The following TGFB3 variants were observed in gnomAD, a reference collection of about 807,000 sequenced individuals.
TGFB3 encodes transforming growth factor beta 3.
TGFB3 carries 5 observed loss-of-function variants against 40.1 expected under a neutral mutation model. The observed-to-expected ratio is 0.12, with a 90% confidence interval of 0.07 to 0.26. The LOEUF is 0.26. Among genes scored for constraint, TGFB3 ranks in the 10% least tolerant of loss-of-function variants. The pLI, the probability that TGFB3 is intolerant of heterozygous loss-of-function variation, is 1.00. For synonymous variants in TGFB3, 184 were observed against 205.6 expected, an observed-to-expected ratio of 0.89 and a Z score of 0.90; for missense variants, 373 against 530.1, an observed-to-expected ratio of 0.70 and a Z score of 2.91.
At chr14:75,972,832 A>G (rs139927823) in intron 1 of TGFB3, among the ~76,000 whole-genome samples, 3 of 152,314 alleles carry the variant, frequency 2.0e-5, no homozygotes, top group African/African-American at 4.8e-5. Flanking sequence ...TTTAGACCCA[A>G]TAAAGCAGGG....
At position 75,980,436 on chromosome 14, in the gene TGFB3, C is replaced by T. The variant is rs1204010343; in HGVS notation, c.352+106G>A. The T allele has an allele frequency of 8.4e-7, 1 of 1,197,012 alleles. No individual in the cohort carries two copies. Among genetic ancestry groups the T allele is most frequent in the Non-Finnish European group, 1.2e-6 (1 of 807,682 alleles). 74.1% of individuals were successfully genotyped at this position (1,197,012 alleles called of 1,614,324 possible). The stretch of plus-strand genomic sequence containing the variant: ...ATCCTGAGCCTTGGTGCTGGTGAAT[C>T]CTGGGGCACCCTGCTGTGTGGCCAG... On this transcript the variant is annotated intron_variant, in intron 1 of 6. Coordinates refer to ENST00000238682, the MANE Select transcript of TGFB3 (RefSeq NM_003239.5). This position sits in a 1 kb window ranked among gnomAD's most constrained non-coding sequence, Gnocchi z 4.3.
chr14:75,961,960 A>C (rs1204944263), intron 5 of TGFB3, among the ~76,000 whole-genome samples: 1 of 152,174 alleles, frequency 6.6e-6, no homozygotes, highest in Non-Finnish European at 1.5e-5. Flanking sequence ...TCTGGCAAAG[A>C]TATTCGATTA....
chr14:75,975,046 G>C (rs563872068), intron 1 of TGFB3, among the ~76,000 whole-genome samples: 64 of 151,742 alleles, frequency 4.2e-4, no homozygotes, highest in Non-Finnish European at 7.8e-4. Flanking sequence ...GACAACATAG[G>C]GAGGACCTAT....
chr14:75,960,891 A>C (rs1204787751), intron 6 of TGFB3, 32 bp downstream of exon 6: 2 of 1,613,910 alleles, frequency 1.2e-6, no homozygotes, highest in Non-Finnish European at 1.7e-6. Context: ...GGTCAGCCCC[A>C]GTGCCTCAGA....
rs569977534 is a variant in TGFB3, at chr14:75,981,206, G to T, written c.-313C>A. 2.3e-6 allele frequency: 1 copy of T among 431,994 alleles called. No homozygotes were observed. The highest frequency in any genetic ancestry group is 4.8e-5 in the East Asian group (1 of 20,956). 26.8% of individuals were successfully genotyped at this position (431,994 alleles called of 1,614,324 possible). A position where few individuals can be genotyped will look rare whatever the true frequency, so the allele number is the denominator to read the frequency against. On this transcript the variant is annotated 5_prime_UTR_variant, in exon 1 of 7. Coordinates refer to ENST00000238682, the MANE Select transcript of TGFB3 (RefSeq NM_003239.5). This position sits in a 1 kb window ranked among gnomAD's most constrained non-coding sequence, Gnocchi z 4.7. ...GAGGGCAAGCAGAGGGCTGGGAGGG[G>T]TGGCAAGGCAGCTGGGAGTGGGAAG...
In TGFB3 at chr14:75,971,855, G is replaced by GTATCCT. The variant is rs2035298750; in HGVS notation, c.353-138_353-137insAGGATA. On this transcript the variant is annotated intron_variant, in intron 1 of 6. Coordinates refer to ENST00000238682, the MANE Select transcript of TGFB3 (RefSeq NM_003239.5). This position sits in a 1 kb window ranked among gnomAD's most constrained non-coding sequence, Gnocchi z 4.5. ...GGCTTGAGGCCTCAGACCGCAAGGT[G>GTATCCT]GAGATACGAGGAAGATTCTTGGTGG... 5.8e-6 allele frequency: 5 copies of GTATCCT among 857,580 alleles called. No individual in the cohort carries two copies. In the African/African-American group the frequency reaches 8.4e-5, roughly 14 times the overall value. 53.1% of individuals were successfully genotyped at this position (857,580 alleles called of 1,614,324 possible). A position where few individuals can be genotyped will look rare whatever the true frequency, so the allele number is the denominator to read the frequency against.
chr14:75,960,654 C>T (rs1418268698), intron 6 of TGFB3, among the ~76,000 whole-genome samples: 2 of 152,156 alleles, frequency 1.3e-5, no homozygotes, highest in African/African-American at 2.4e-5. Flanking sequence ...TAGGGTAACA[C>T]GTGGCAGTTA....
At chr14:75,961,527 A>G (rs757762814) in intron 5 of TGFB3, among the ~76,000 whole-genome samples, 34 of 152,206 alleles carry the variant, frequency 2.2e-4, no homozygotes, top group Middle Eastern at 3.2e-3. Context: ...CTCAATCCAA[A>G]GGCCATTTAG....
At chr14:75,976,349 A>G (rs1438471650) in intron 1 of TGFB3, among the ~76,000 whole-genome samples, 1 of 152,190 alleles carries the variant, frequency 6.6e-6, no homozygotes, top group Non-Finnish European at 1.5e-5. Flanking sequence ...AGATGATTCT[A>G]ACGTGCAGCC....
chr14:75,961,371 G>A (rs141928758), intron 5 of TGFB3, among the ~76,000 whole-genome samples: 2 of 152,178 alleles, frequency 1.3e-5, no homozygotes, highest in South Asian at 2.1e-4. Flanking sequence ...GCTATGAAGC[G>A]CTCCACATAA....
intron 1 of TGFB3, among the ~76,000 whole-genome samples, chr14:75,976,721 CCT>C (rs2035357642): frequency 6.6e-6 from 1 of 152,132 alleles, no homozygotes; most frequent in Non-Finnish European, 1.5e-5. Context: ...CCTCCCTCTC[CCT>C]GTCTCACACA....
At chr14:75,964,332 A>C (rs1213180556) in intron 4 of TGFB3, among the ~76,000 whole-genome samples, 1 of 152,198 alleles carries the variant, frequency 6.6e-6, no homozygotes, top group Non-Finnish European at 1.5e-5. Context: ...AGACTGTATA[A>C]TTGTTAACAT....
intron 1 of TGFB3, among the ~76,000 whole-genome samples, chr14:75,974,086 G>A (rs2035324781): frequency 1.3e-5 from 2 of 152,208 alleles, no homozygotes; most frequent in Non-Finnish European, 2.9e-5. Flanking sequence ...GTTGCAATGA[G>A]CTGAGGTGGT....
In TGFB3 at chr14:75,959,073, G is replaced by T. The variant is rs1014034132; in HGVS notation, c.*114C>A. On this transcript the variant is annotated 3_prime_UTR_variant, in exon 7 of 7. Coordinates refer to ENST00000238682, the MANE Select transcript of TGFB3 (RefSeq NM_003239.5). ...CCATCTCAGCCATTTGCCCGGAGCC[G>T]AAGGTTGTGGGCTCCAGGCCTCTCA... 18 of 1,370,422 alleles carry T rather than the reference G, an allele frequency of 1.3e-5. No homozygotes were observed. Among genetic ancestry groups the T allele is most frequent in the Admixed American group, 3.4e-5 (2 of 58,194 alleles). The allele number at this position is 1,370,422 out of a possible 1,614,324, so 84.9% of individuals were successfully genotyped here. A position where few individuals can be genotyped will look rare whatever the true frequency, so the allele number is the denominator to read the frequency against.
chr14:75,980,606 G>C lies in TGFB3; in HGVS notation c.288C>G (p.Thr96=), dbSNP rs201047560. The change falls in exon 1 of 7, where the codon ACC becomes ACG. Residue 96 remains threonine, a synonymous_variant. Coordinates refer to ENST00000238682, the MANE Select transcript of TGFB3 (RefSeq NM_003239.5). This position sits in a 1 kb window ranked among gnomAD's most constrained non-coding sequence, Gnocchi z 4.3. The stretch of plus-strand genomic sequence containing the variant: ...TTTCTTTGGCATAGTATTCCGACTC[G>C]GTGTTTTCCTGGGTGCAGCCTTCCT... ...EREEGCTQEN[T]ESEYYAKEIH... 3 of 1,614,184 alleles carry C rather than the reference G, an allele frequency of 1.9e-6. No homozygotes were observed. Among genetic ancestry groups the C allele is most frequent in the African/African-American group, 1.3e-5 (1 of 75,042 alleles).
Position 75,958,973 on chromosome 14 carries a change from C to A in TGFB3, c.*214G>T. On this transcript the variant is annotated 3_prime_UTR_variant, in exon 7 of 7. Coordinates refer to ENST00000238682, the MANE Select transcript of TGFB3 (RefSeq NM_003239.5). Reference sequence around the variant, plus strand: ...GTGTTCTGAAGAGTTCAGCCTTCCTCTAACCAAACCCACACTTTCTTTACC... The same window carrying A: ...GTGTTCTGAAGAGTTCAGCCTTCCTATAACCAAACCCACACTTTCTTTACC... 1.6e-6 allele frequency: 1 copy of A among 618,052 alleles called. No individual in the cohort carries two copies. The highest frequency in any genetic ancestry group is 1.8e-5 in the South Asian group (1 of 56,722). The allele number at this position is 618,052 out of a possible 1,614,324, so 38.3% of individuals were successfully genotyped here. A position where few individuals can be genotyped will look rare whatever the true frequency, so the allele number is the denominator to read the frequency against.
chr14:75,982,695 GA>G (rs1376995379), upstream of TGFB3: 10 of 151,938 alleles, frequency 6.6e-5, no homozygotes, highest in Non-Finnish European at 1.5e-4. This position sits in a 1 kb window ranked among gnomAD's most constrained non-coding sequence, Gnocchi z 4.0. Context: ...GGTGGGGGCT[GA>G]GGGGCGGGAG....
At chr14:75,960,251 TTTTA>T (rs1340425520) in intron 6 of TGFB3, 1 of 152,666 alleles carries the variant, frequency 6.6e-6, no homozygotes, top group Non-Finnish European at 1.5e-5. Context: ...CTATCTTGGC[TTTTA>T]AGAAAACACT....
intron 3 of TGFB3, among the ~76,000 whole-genome samples, chr14:75,968,605 C>T (rs1023201335): frequency 1.3e-5 from 2 of 152,186 alleles, no homozygotes; most frequent in African/African-American, 4.8e-5. Flanking sequence ...TTAATTTCCC[C>T]AGCCCCTCCT....
Sources: gnomAD v4.1 joint callset for allele counts (sites outside exome capture counted in the v4.1 genomes callset) on GRCh38, gnomAD v4.1.1 for gene constraint, Gnocchi (gnomAD v3.1) non-coding constraint, MANE v1.5 for transcripts, NCBI Gene and HGNC (gene_info 2026-07-23, HGNC 2026-07-21) for gene names.